The following BRSK2 variants were observed in gnomAD, a reference collection of about 807,000 sequenced individuals.
BRSK2 encodes the protein BR serine/threonine kinase 2, also known as serine/threonine-protein kinase BRSK2.
A neutral mutation model predicts 83.3 loss-of-function variants in BRSK2; 19 were observed. The observed-to-expected ratio is 0.23, with a 90% CI of 0.16 to 0.33. BRSK2 has a LOEUF of 0.33. Among genes scored for constraint, BRSK2 ranks in the 10% least tolerant of loss-of-function variants. The pLI, the probability that BRSK2 is intolerant of heterozygous loss-of-function variation, is 1.00. For synonymous variants in BRSK2, 519 were observed against 435.4 expected, an observed-to-expected ratio of 1.19 and a Z score of -2.39; for missense variants, 798 against 1,042.3, an observed-to-expected ratio of 0.77 and a Z score of 3.23.
In BRSK2 at chr11:1,411,013, G is replaced by T. The variant is rs934855257; in HGVS notation, c.91+20638G>T. 6.9e-5 allele frequency: 69 copies of T among 1,003,168 alleles called. No individual in the cohort carries two copies. The African/African-American group carries it at 1.2e-3, about 17-fold the overall frequency. 62.1% of individuals were successfully genotyped at this position (1,003,168 alleles called of 1,614,324 possible). On this transcript the variant is annotated intron_variant, in intron 1 of 19. Coordinates refer to ENST00000528841, the MANE Select transcript of BRSK2 (RefSeq NM_001256627.2). ...AGGAGCAGGGGCGGAGAGAACAGCCGTGCGTCTGCCTTTTCTGCTCCCATC... is the reference window on the plus strand; with the variant it reads ...AGGAGCAGGGGCGGAGAGAACAGCCTTGCGTCTGCCTTTTCTGCTCCCATC...
At position 1,450,903 on chromosome 11, in the gene BRSK2, A is replaced by C. The variant is rs112388890; in HGVS notation, c.1495+109A>C. 1.7e-3 allele frequency: 1,955 copies of C among 1,130,508 alleles called. 23 individuals are homozygous for C. The African/African-American group carries it at 0.024, about 14-fold the overall frequency. 70.0% of individuals were successfully genotyped at this position (1,130,508 alleles called of 1,614,324 possible). ...ACCAGTCCGAGGGGCCTGTAGCTGC[A>C]GGGGTGGCCTGGGCCTGCCCACGTC... On this transcript the variant is annotated intron_variant, in intron 14 of 19. Transcript: ENST00000528841.
intron 2 of BRSK2, 146 bp downstream of exon 2, chr11:1,436,280 T>G (rs991194605): frequency 4.2e-6 from 3 of 718,654 alleles, no homozygotes; most frequent in Non-Finnish European, 6.8e-6. Flanking sequence ...GCCACACCCC[T>G]GCTGGTCCCC....
chr11:1,397,047 C>T (rs1846173424), intron 1 of BRSK2, among the ~76,000 whole-genome samples: 1 of 152,250 alleles, frequency 6.6e-6, no homozygotes, highest in Admixed American at 6.5e-5. Flanking sequence ...GCTCACATGG[C>T]TGGTCCTCTG....
chr11:1,454,666 C>A lies in BRSK2; in HGVS notation c.1668+58C>A. The A allele has an allele frequency of 6.3e-7, 1 of 1,595,288 alleles. No homozygotes were observed. Among genetic ancestry groups the A allele is most frequent in the Non-Finnish European group, 8.5e-7 (1 of 1,170,206 alleles). ...GCCCTCCCAACCCCACACGGCCCAG[C>A]CCCGAGAATCCAGCCTCCTCACGTA... is the stretch of plus-strand genomic sequence containing the variant. On this transcript the variant is annotated intron_variant, in intron 16 of 19. Coordinates refer to ENST00000528841, the MANE Select transcript of BRSK2 (RefSeq NM_001256627.2). The surrounding 1 kb of genome is among the most constrained non-coding windows in gnomAD (Gnocchi z 5.2).
At chr11:1,411,121 G>A in intron 1 of BRSK2, 1 of 1,203,566 alleles carries the variant, frequency 8.3e-7, no homozygotes, top group Middle Eastern at 3.3e-4. Flanking sequence ...AGACCAGCTG[G>A]GGATCCTCAG....
intron 5 of BRSK2, 140 bp downstream of exon 5, chr11:1,442,746 C>T (rs1386804443): frequency 2.8e-6 from 2 of 703,002 alleles, no homozygotes; most frequent in Non-Finnish European, 4.9e-6. Context: ...GCCTGAGCCT[C>T]CCAGTACCCC....
At chr11:1,402,890 G>A (rs769207965) in intron 1 of BRSK2, among the ~76,000 whole-genome samples, 25 of 152,232 alleles carry the variant, frequency 1.6e-4, no homozygotes, top group Middle Eastern at 6.8e-3. Context: ...TGGAGGGCTC[G>A]GATCTGCTTG....
chr11:1,459,288 C>T (rs745341530), intron 19 of BRSK2, 49 bp downstream of exon 19: 4 of 1,605,350 alleles, frequency 2.5e-6, no homozygotes, highest in Non-Finnish European at 2.6e-6. Flanking sequence ...CACTTCACCG[C>T]TCACCCTCAG....
In BRSK2 at chr11:1,438,031, C is replaced by G. The variant is rs1850569421; in HGVS notation, c.187-275C>G. On this transcript the variant is annotated intron_variant, in intron 2 of 19. Coordinates refer to ENST00000528841, the MANE Select transcript of BRSK2 (RefSeq NM_001256627.2). The surrounding 1 kb of genome is among the most constrained non-coding windows in gnomAD (Gnocchi z 6.4). The stretch of plus-strand genomic sequence containing the variant: ...CTGAGCAGCCCACGTCCCTGCATCC[C>G]CCACAGCTGGCACCAAAGGCCCCTG... 6.7e-6 allele frequency among the ~76,000 whole-genome samples: 1 copy of G among 149,718 alleles called. No individual in the cohort carries two copies. Among genetic ancestry groups the G allele is most frequent in the Admixed American group, 6.6e-5 (1 of 15,202 alleles).
At chr11:1,405,456 C>T (rs566486582) in intron 1 of BRSK2, among the ~76,000 whole-genome samples, 1 of 152,216 alleles carries the variant, frequency 6.6e-6, no homozygotes, top group African/African-American at 2.4e-5. Flanking sequence ...GTGGCAGCCC[C>T]ACTGCATGAT....
At position 1,445,782 on chromosome 11, in the gene BRSK2, C is replaced by T; in HGVS notation, c.1101C>T (p.Ser367=). The T allele has an allele frequency of 6.2e-7, 1 of 1,612,380 alleles. No individual in the cohort carries two copies. Among genetic ancestry groups the T allele is most frequent in the Non-Finnish European group, 8.5e-7 (1 of 1,179,640 alleles). The change falls in exon 12 of 20, where the codon TCC becomes TCT. Residue 367 remains serine, a synonymous_variant. Coordinates refer to ENST00000528841, the MANE Select transcript of BRSK2 (RefSeq NM_001256627.2). ...EIDPPRKRVD[S]PMLNRHGKRR... ...ACCCTCCCCGGAAGCGTGTGGACTC[C>T]CCGATGCTGAACCGGCACGGCAAGC... is the stretch of plus-strand genomic sequence containing the variant.
chr11:1,429,046 C>T (rs1042955726), intron 1 of BRSK2, among the ~76,000 whole-genome samples: 4 of 135,648 alleles, frequency 2.9e-5, no homozygotes, highest in Admixed American at 7.5e-5. Flanking sequence ...TGGGTGCATG[C>T]ACATGTGTAC....
chr11:1,406,054 G>A (rs1271988588), intron 1 of BRSK2, among the ~76,000 whole-genome samples: 3 of 152,098 alleles, frequency 2.0e-5, no homozygotes, highest in Admixed American at 6.5e-5. Flanking sequence ...TCCTCACACT[G>A]TTTGTTGCCC....
At chr11:1,428,134 T>C (rs1017176643) in intron 1 of BRSK2, among the ~76,000 whole-genome samples, 1 of 152,106 alleles carries the variant, frequency 6.6e-6, no homozygotes, top group Non-Finnish European at 1.5e-5. Flanking sequence ...AGCTCCAGGA[T>C]GCAGCTGGGG....
At chr11:1,426,307 G>T (rs1439997579) in intron 1 of BRSK2, among the ~76,000 whole-genome samples, 2 of 152,040 alleles carry the variant, frequency 1.3e-5, no homozygotes, top group East Asian at 3.9e-4. Flanking sequence ...TGTGTGGGGC[G>T]TGCTCTGGGG....
chr11:1,408,813 G>GTC (rs1847109193), intron 1 of BRSK2, among the ~76,000 whole-genome samples: 1 of 57,980 alleles, frequency 1.7e-5, no homozygotes, highest in Non-Finnish European at 4.9e-5. Flanking sequence ...GCCTGTGCTG[G>GTC]TGTGTGTGTG....
At chr11:1,447,375 C>T (rs1005542695) in intron 12 of BRSK2, among the ~76,000 whole-genome samples, 6 of 152,196 alleles carry the variant, frequency 3.9e-5, no homozygotes, top group Non-Finnish European at 8.8e-5. Context: ...AGGCCGCCCT[C>T]TTGGCCTCTG....
chr11:1,457,088 C>CG, intron 18 of BRSK2: 5 of 1,505,684 alleles, frequency 3.3e-6, no homozygotes, highest in Non-Finnish European at 4.4e-6. Flanking sequence ...GGAGGGGCTG[C>CG]GGGCAGGTCC....
chr11:1,445,174 G>A lies in BRSK2; in HGVS notation c.813-120G>A, dbSNP rs563371999. On this transcript the variant is annotated intron_variant, in intron 9 of 19. Coordinates refer to ENST00000528841, the MANE Select transcript of BRSK2 (RefSeq NM_001256627.2). ...CGGGCAGGACGCAGGAGGCCTCCCC[G>A]GGCTGGGCACAGGGAGAGTGGCAGG... 83 of 1,487,288 alleles carry A rather than the reference G, an allele frequency of 5.6e-5. No individual in the cohort carries two copies. In the Admixed American group the frequency reaches 8.6e-4, roughly 15 times the overall value. 92.1% of individuals were successfully genotyped at this position (1,487,288 alleles called of 1,614,324 possible). A position where few individuals can be genotyped will look rare whatever the true frequency, so the allele number is the denominator to read the frequency against.
Sources: allele counts gnomAD v4.1 joint callset (sites outside exome capture counted in the v4.1 genomes callset), GRCh38; gene constraint gnomAD v4.1.1; non-coding constraint Gnocchi (gnomAD v3.1); transcripts MANE v1.5; gene names NCBI Gene and HGNC (gene_info 2026-07-23, HGNC 2026-07-21).